ZFAND3: variants seen among roughly 807,000 people sequenced by gnomAD.
ZFAND3 encodes zinc finger AN1-type containing 3, also known as AN1-type zinc finger protein 3.
Under a neutral mutation model 29.6 loss-of-function variants are expected in ZFAND3, and 10 were observed. The observed-to-expected ratio is 0.34, with a 90% CI of 0.21 to 0.57. The LOEUF (loss-of-function observed/expected upper bound fraction) is 0.57, where lower values mean the gene tolerates loss of function less well. Among genes scored for constraint, ZFAND3 ranks in the 20% least tolerant of loss-of-function variants. ZFAND3 has a pLI of 0.86. For missense variants in ZFAND3, 230 were observed against 304.5 expected (o/e 0.76, Z 1.82); for synonymous variants, 128 against 112.6 (o/e 1.14, Z -0.87).
At chr6:38,008,060 C>T (rs182806457) in intron 2 of ZFAND3, among the ~76,000 whole-genome samples, 17 of 152,296 alleles carry the variant, frequency 1.1e-4, no homozygotes, top group Admixed American at 1.0e-3. Context: ...AGGTGATTCA[C>T]ATGCATAGCA....
intron 1 of ZFAND3, among the ~76,000 whole-genome samples, chr6:37,899,679 C>T (rs2127400301): frequency 6.6e-6 from 1 of 152,314 alleles, no homozygotes; most frequent in African/African-American, 2.4e-5. Context: ...ATTATCTTTG[C>T]ATATTTCAAA....
chr6:38,052,901 G>A (rs1033192269), intron 2 of ZFAND3, among the ~76,000 whole-genome samples: 1 of 152,056 alleles, frequency 6.6e-6, no homozygotes, highest in Non-Finnish European at 1.5e-5. Context: ...AGGTGTGGTG[G>A]TGCACGCCTG....
intron 4 of ZFAND3, among the ~76,000 whole-genome samples, chr6:38,104,419 C>T (rs1319708161): frequency 1.3e-5 from 2 of 151,942 alleles, no homozygotes; most frequent in Non-Finnish European, 2.9e-5. Flanking sequence ...AATGAAAATA[C>T]CTAGGTTTTC....
intron 1 of ZFAND3, among the ~76,000 whole-genome samples, chr6:37,844,915 A>G (rs57402213): frequency 0.25 from 38,091 of 150,364 alleles, 6,226 homozygotes; most frequent in African/African-American, 0.46. Flanking sequence ...TCCCAGCTAC[A>G]TGGGAGGCTG....
chr6:38,009,888 G>A (rs752474378), intron 2 of ZFAND3, among the ~76,000 whole-genome samples: 3 of 152,162 alleles, frequency 2.0e-5, no homozygotes, highest in Non-Finnish European at 4.4e-5. Flanking sequence ...TTTATCACTT[G>A]TTTTGGCCTT....
intron 1 of ZFAND3, among the ~76,000 whole-genome samples, chr6:37,840,223 A>C (rs978339893): frequency 6.6e-6 from 1 of 151,948 alleles, no homozygotes; most frequent in East Asian, 1.9e-4. Flanking sequence ...TCAGCCCCCA[A>C]AATAGCTGGG....
At chr6:38,130,641 C>T (rs1581944497) in intron 5 of ZFAND3, among the ~76,000 whole-genome samples, 1 of 152,094 alleles carries the variant, frequency 6.6e-6, no homozygotes, top group African/African-American at 2.4e-5. Flanking sequence ...TTAAACCATC[C>T]CTGCATCCTT....
chr6:37,985,528 C>CACACAG (rs372598964), intron 2 of ZFAND3, among the ~76,000 whole-genome samples: 2 of 127,670 alleles, frequency 1.6e-5, no homozygotes, highest in African/African-American at 5.9e-5. Flanking sequence ...CACACACACA[C>CACACAG]CCCCACACAC....
intron 2 of ZFAND3, among the ~76,000 whole-genome samples, chr6:38,014,738 C>T (rs1301998988): frequency 2.0e-5 from 3 of 152,128 alleles, no homozygotes; most frequent in Non-Finnish European, 4.4e-5. Flanking sequence ...TTTCTCCTGG[C>T]GGATGGGATT....
chr6:37,819,808 GCCCGCCCGCGCGCCCGC>G lies in ZFAND3; in HGVS notation c.-137_-121del. On this transcript the variant is annotated 5_prime_UTR_variant, in exon 1 of 6. Coordinates refer to ENST00000287218, the MANE Select transcript of ZFAND3 (RefSeq NM_021943.3). ...TCCCGGCTCCGAGCCCCGGACTCGC[GCCCGCCCGCGCGCCCGC>G]TCCTTCCCCCTCCCCCCGCCCCGAG... 1.9e-6 allele frequency: 1 copy of G among 518,434 alleles called. No individual in the cohort carries two copies. Among genetic ancestry groups the G allele is most frequent in the Non-Finnish European group, 2.6e-6 (1 of 386,530 alleles). 32.1% of individuals were successfully genotyped at this position (518,434 alleles called of 1,614,324 possible).
chr6:38,086,972 C>T (rs1045408930), intron 4 of ZFAND3, among the ~76,000 whole-genome samples: 2 of 152,108 alleles, frequency 1.3e-5, no homozygotes, highest in Admixed American at 6.6e-5. Context: ...AGAACAACCT[C>T]AAACTGGCAT....
intron 1 of ZFAND3, among the ~76,000 whole-genome samples, chr6:37,924,602 A>C (rs141307383): frequency 0.022 from 3,389 of 152,136 alleles, 85 homozygotes; most frequent in African/African-American, 0.063. Context: ...TGGGAGGCTG[A>C]GGTGGGAGGA....
intron 1 of ZFAND3, among the ~76,000 whole-genome samples, chr6:37,885,992 C>A (rs1484438035): frequency 6.6e-6 from 1 of 151,964 alleles, no homozygotes; most frequent in African/African-American, 2.4e-5. Flanking sequence ...AATCCCAGCA[C>A]TTTGGGAAGC....
chr6:38,030,065 T>G (rs1232384704), intron 2 of ZFAND3, among the ~76,000 whole-genome samples: 21 of 25,368 alleles, frequency 8.3e-4, no homozygotes, highest in Admixed American at 1.8e-3. Flanking sequence ...TATATATATA[T>G]ATATATATAT....
chr6:37,962,733 A>G (rs1180543507), intron 2 of ZFAND3, among the ~76,000 whole-genome samples: 3 of 152,222 alleles, frequency 2.0e-5, no homozygotes, highest in Admixed American at 1.3e-4. Context: ...ATAAGGGAAT[A>G]AAAGCTGGCC....
chr6:38,019,898 T>A (rs1487485480), intron 2 of ZFAND3, among the ~76,000 whole-genome samples: 1 of 152,186 alleles, frequency 6.6e-6, no homozygotes, highest in Non-Finnish European at 1.5e-5. Context: ...ATTTTTGTAT[T>A]TTTAGTAGAG....
At chr6:37,860,951 A>G (rs924762120) in intron 1 of ZFAND3, among the ~76,000 whole-genome samples, 5 of 152,134 alleles carry the variant, frequency 3.3e-5, no homozygotes, top group African/African-American at 1.2e-4. Context: ...AATAAAAATG[A>G]GAGCAATGTC....
chr6:37,929,354 A>T (rs1336830433), intron 1 of ZFAND3, among the ~76,000 whole-genome samples: 1 of 152,248 alleles, frequency 6.6e-6, no homozygotes, highest in African/African-American at 2.4e-5. Flanking sequence ...CATCCAAGTT[A>T]GTATTCAGTG....
intron 1 of ZFAND3, among the ~76,000 whole-genome samples, chr6:37,839,805 A>C (rs1326420837): frequency 6.6e-6 from 1 of 151,478 alleles, no homozygotes; most frequent in Non-Finnish European, 1.5e-5. Flanking sequence ...GAGCCACCGC[A>C]CCCGGCCATA....
Sources: gnomAD v4.1 joint callset for allele counts (sites outside exome capture counted in the v4.1 genomes callset) on GRCh38, gnomAD v4.1.1 for gene constraint, MANE v1.5 for transcripts, NCBI Gene and HGNC (gene_info 2026-07-23, HGNC 2026-07-21) for gene names.